Variants in MSRA observed in about 807,000 individuals in gnomAD.
MSRA encodes the protein mitochondrial peptide methionine sulfoxide reductase.
Under a neutral mutation model 31.3 loss-of-function variants are expected in MSRA, and 54 were observed. The ratio of observed to expected loss-of-function variants is 1.73; its 90% CI spans 1.39 to 2.17. MSRA has a LOEUF of 2.17. MSRA is among the 30% of genes most tolerant of loss of function. The pLI is 0.00. For missense variants in MSRA, 507 were observed against 300.9 expected (o/e 1.69, Z -5.07); for synonymous variants, 169 against 116.5 (o/e 1.45, Z -2.90).
chr8:10,107,408 T>A (rs1799961509), intron 1 of MSRA, among the ~76,000 whole-genome samples: 2 of 152,202 alleles, frequency 1.3e-5, no homozygotes, highest in African/African-American at 4.8e-5. Flanking sequence ...GAGAAATAGA[T>A]GCTAGAATCT....
At chr8:10,384,226 C>T (rs912811581) in intron 5 of MSRA, among the ~76,000 whole-genome samples, 5 of 152,164 alleles carry the variant, frequency 3.3e-5, no homozygotes, top group African/African-American at 1.2e-4. Context: ...AAATAGCAAC[C>T]ACCTGCCTTG....
chr8:10,293,758 C>G (rs1456611383), intron 3 of MSRA, among the ~76,000 whole-genome samples: 2 of 152,152 alleles, frequency 1.3e-5, no homozygotes, highest in African/African-American at 4.8e-5. Context: ...TTTCCTTCCC[C>G]TTCTCTTCCT....
intron 1 of MSRA, among the ~76,000 whole-genome samples, chr8:10,152,343 G>A (rs1275705316): frequency 1.3e-5 from 2 of 152,192 alleles, no homozygotes; most frequent in East Asian, 3.9e-4. Flanking sequence ...TAGAGAAGGA[G>A]TTTGTTTTTA....
chr8:10,362,140 T>G (rs1804886133), intron 5 of MSRA, among the ~76,000 whole-genome samples: 1 of 152,164 alleles, frequency 6.6e-6, no homozygotes, highest in South Asian at 2.1e-4. Flanking sequence ...AGCCTCAGTT[T>G]TCCTCCTTGT....
At chr8:10,190,152 G>C (rs995511156) in intron 1 of MSRA, among the ~76,000 whole-genome samples, 4 of 152,120 alleles carry the variant, frequency 2.6e-5, no homozygotes, top group East Asian at 1.9e-4. Context: ...GGGCGCTTTG[G>C]GGGAGGGGGG....
intron 5 of MSRA, among the ~76,000 whole-genome samples, chr8:10,423,961 G>T (rs559487877): frequency 1.3e-5 from 2 of 152,382 alleles, no homozygotes; most frequent in African/African-American, 4.8e-5. Flanking sequence ...AAAGCCCCGA[G>T]ATGAGGGAGA....
chr8:10,250,534 T>G (rs1435461180), intron 3 of MSRA: 1 of 696,542 alleles, frequency 1.4e-6, no homozygotes, highest in Non-Finnish European at 2.6e-6. Flanking sequence ...CTTTTCCTCG[T>G]AAGATTTACA....
At chr8:10,231,047 A>G (rs936229177) in intron 2 of MSRA, among the ~76,000 whole-genome samples, 1 of 152,168 alleles carries the variant, frequency 6.6e-6, no homozygotes, top group Non-Finnish European at 1.5e-5. Flanking sequence ...TGGCCTCCCA[A>G]AGTGCTGGGA....
At chr8:10,054,798 G>C in intron 1 of MSRA, 140 bp downstream of exon 1, 4 of 961,656 alleles carry the variant, frequency 4.2e-6, no homozygotes, top group Non-Finnish European at 5.4e-6. Context: ...GCGCAGGCGC[G>C]AAGGGGCGCC....
At chr8:10,217,290 G>C (rs562622335) in intron 2 of MSRA, among the ~76,000 whole-genome samples, 1 of 152,172 alleles carries the variant, frequency 6.6e-6, no homozygotes, top group Non-Finnish European at 1.5e-5. Flanking sequence ...TGAGCGGCGC[G>C]CAAGTCTCGT....
At chr8:10,244,317 G>A (rs931038086) in intron 2 of MSRA, among the ~76,000 whole-genome samples, 2 of 152,194 alleles carry the variant, frequency 1.3e-5, no homozygotes, top group East Asian at 1.9e-4. Context: ...CCAAGGAAGT[G>A]CATGGCAACA....
At chr8:10,417,754 T>TTGCGTGTGTGTGTGTGTG (rs1808558284) in intron 5 of MSRA, among the ~76,000 whole-genome samples, 1 of 129,842 alleles carries the variant, frequency 7.7e-6, no homozygotes, top group South Asian at 2.5e-4. Flanking sequence ...AACCTGCATG[T>TTGCGTGTGTGTGTGTGTG]TGTGTGTGTG....
chr8:10,346,302 A>T (rs371160359), intron 5 of MSRA, among the ~76,000 whole-genome samples: 6 of 152,284 alleles, frequency 3.9e-5, no homozygotes, highest in Middle Eastern at 3.4e-3. Flanking sequence ...TGTGTGGATG[A>T]CTTTGCGCTC....
intron 2 of MSRA, among the ~76,000 whole-genome samples, chr8:10,224,147 A>G (rs1810775953): frequency 6.6e-6 from 1 of 152,236 alleles, no homozygotes; most frequent in Non-Finnish European, 1.5e-5. Context: ...CTAGGCCCTT[A>G]ACAGATAGTA....
chr8:10,315,829 G>A (rs909492155), intron 4 of MSRA, among the ~76,000 whole-genome samples: 1 of 152,094 alleles, frequency 6.6e-6, no homozygotes, highest in African/African-American at 2.4e-5. Flanking sequence ...AACAGACATG[G>A]AGTCCCAAAA....
chr8:10,311,760 CA>C (rs1182904876), intron 4 of MSRA, among the ~76,000 whole-genome samples: 1 of 151,712 alleles, frequency 6.6e-6, no homozygotes, highest in Non-Finnish European at 1.5e-5. Flanking sequence ...CAAGAAATTT[CA>C]AAAAAACTAG....
intron 1 of MSRA, among the ~76,000 whole-genome samples, chr8:10,200,822 G>A (rs1302740314): frequency 1.3e-5 from 2 of 152,176 alleles, no homozygotes; most frequent in African/African-American, 4.8e-5. Context: ...TATGACTAGA[G>A]GCGTGACTCC....
At chr8:10,181,727 G>A (rs1806558659) in intron 1 of MSRA, among the ~76,000 whole-genome samples, 1 of 152,192 alleles carries the variant, frequency 6.6e-6, no homozygotes, top group East Asian at 1.9e-4. Flanking sequence ...GATGGAGGTG[G>A]TGAGAAGTGG....
intron 1 of MSRA, among the ~76,000 whole-genome samples, chr8:10,184,112 G>T (rs1014211023): frequency 6.6e-6 from 1 of 151,486 alleles, no homozygotes; most frequent in Non-Finnish European, 1.5e-5. Context: ...GATGGTCTTG[G>T]TGGTGGTGCT....
Sources: allele counts gnomAD v4.1 joint callset (sites outside exome capture counted in the v4.1 genomes callset), GRCh38; gene constraint gnomAD v4.1.1; transcripts MANE v1.5; gene names NCBI Gene and HGNC (gene_info 2026-07-23, HGNC 2026-07-21).